The following CFAP47 variants were observed in gnomAD, a reference collection of about 807,000 sequenced individuals.
CFAP47 encodes the protein cilia- and flagella-associated protein 47.
A neutral mutation model predicts 148.1 loss-of-function variants in CFAP47; 29 were observed. The observed-to-expected ratio is 0.20, with a 90% CI of 0.15 to 0.27. CFAP47 has a LOEUF of 0.27. Ranked by LOEUF, CFAP47 falls within the 10% of genes least tolerant of loss-of-function variation. The pLI is 1.00. For synonymous variants in CFAP47, 664 were observed against 577.3 expected (o/e 1.15, Z -2.15); for missense variants, 1,872 against 1,697.5 (o/e 1.10, Z -1.81).
At chrX:35,957,158 G>A (rs1177972608) in intron 8 of CFAP47, among the ~76,000 whole-genome samples, 3 of 98,585 alleles carry the variant, frequency 3.0e-5, no homozygotes, top group Non-Finnish European at 6.0e-5. Context: ...GCAGTGAGCC[G>A]AGATCACAGC....
chrX:36,076,529 A>G (rs1208334038), intron 29 of CFAP47, among the ~76,000 whole-genome samples: 2 of 110,330 alleles, frequency 1.8e-5, no homozygotes, highest in South Asian at 3.9e-4. Flanking sequence ...GGCCAGTTAT[A>G]TATCTCCTTT....
intron 15 of CFAP47, among the ~76,000 whole-genome samples, chrX:35,980,772 G>C (rs138101061): frequency 0.017 from 1,844 of 110,350 alleles, 45 homozygotes; most frequent in African/African-American, 0.058. Context: ...GTTCTCATCT[G>C]AAAAAACTCT....
intron 51 of CFAP47, among the ~76,000 whole-genome samples, chrX:36,289,656 G>A (rs1941173416): frequency 9.0e-6 from 1 of 111,664 alleles, no homozygotes. Context: ...TAAAGCACTT[G>A]TTGGCTCCCA....
chrX:36,030,699 AG>A (rs1214104181), intron 22 of CFAP47, among the ~76,000 whole-genome samples: 1 of 110,779 alleles, frequency 9.0e-6, no homozygotes, highest in African/African-American at 3.3e-5. Flanking sequence ...AATGTCTTAG[AG>A]GTAAGTTTCA....
At chrX:36,234,101 G>A (rs7888696) in intron 46 of CFAP47, among the ~76,000 whole-genome samples, 10,914 of 107,833 alleles carry the variant, frequency 0.1, 582 homozygotes, top group East Asian at 0.25. Flanking sequence ...TCTTGGAGTT[G>A]CTCTTCTCGA....
intron 39 of CFAP47, among the ~76,000 whole-genome samples, chrX:36,173,091 G>T (rs1435094078): frequency 9.0e-6 from 1 of 110,650 alleles, no homozygotes; most frequent in Non-Finnish European, 1.9e-5. Flanking sequence ...TTGCGTAGAG[G>T]TGTTTGTAGT....
Position 36,116,495 on chromosome X carries a change from A to T in CFAP47, c.5320+11804A>T, listed in dbSNP as rs17319726. On this transcript the variant is annotated intron_variant, in intron 33 of 63. Transcript: ENST00000378653. ...TAACGAGCTTAGGTGTTTTGGTGAG[A>T]TGCCAGTTGGGCATACCAAGAATTA... Among the ~76,000 whole-genome samples, 397 of 112,540 alleles carry T rather than the reference A, an allele frequency of 3.5e-3. 4 individuals carry two copies. In the East Asian group the frequency reaches 0.036, roughly 10 times the overall value.
intron 21 of CFAP47, among the ~76,000 whole-genome samples, chrX:36,005,912 A>G (rs759996006): frequency 4.8e-4 from 53 of 111,179 alleles, no homozygotes; most frequent in Middle Eastern, 4.7e-3. Flanking sequence ...ACATACACAC[A>G]CACATACACA....
At chrX:36,360,706 G>C (rs1941821435) in intron 60 of CFAP47, among the ~76,000 whole-genome samples, 1 of 111,786 alleles carries the variant, frequency 8.9e-6, no homozygotes, top group South Asian at 3.7e-4. Flanking sequence ...CTACATGCTA[G>C]CTCTGGATTT....
At chrX:36,096,221 A>G (rs1015619898) in intron 30 of CFAP47, among the ~76,000 whole-genome samples, 3 of 111,144 alleles carry the variant, frequency 2.7e-5, no homozygotes, top group Non-Finnish European at 5.7e-5. Context: ...GATATAATTG[A>G]ATGTTTATAT....
chrX:36,099,692 C>A, intron 31 of CFAP47, 59 bp from the exon 32 acceptor site: 12 of 482,666 alleles, frequency 2.5e-5, no homozygotes, highest in South Asian at 4.1e-5. Context: ...AAAAAAAAAA[C>A]TCATATGCTA....
At chrX:35,923,669 A>C (rs2146607568) in intron 1 of CFAP47, among the ~76,000 whole-genome samples, 1 of 109,312 alleles carries the variant, frequency 9.1e-6, no homozygotes, top group Non-Finnish European at 1.9e-5. Flanking sequence ...AAAATACAGA[A>C]ATTAGCTGGG....
At chrX:35,949,868 T>G (rs1936138052) in intron 4 of CFAP47, among the ~76,000 whole-genome samples, 1 of 111,683 alleles carries the variant, frequency 9.0e-6, no homozygotes, top group Non-Finnish European at 1.9e-5. Context: ...ATTCAAAAAG[T>G]TTGGGATTTT....
At chrX:36,199,884 A>G in intron 42 of CFAP47, among the ~76,000 whole-genome samples, 1 of 111,479 alleles carries the variant, frequency 9.0e-6, no homozygotes, top group East Asian at 2.8e-4. Flanking sequence ...CAAATAAAAG[A>G]TTCTTTTCTT....
At chrX:36,144,744 G>A (rs1939204370) in intron 35 of CFAP47, 2 of 1,024,145 alleles carry the variant, frequency 2.0e-6, no homozygotes, top group African/African-American at 1.9e-5. Context: ...TTTTATTTTT[G>A]TCGTGATCTC....
chrX:35,989,341 A>G lies in CFAP47; in HGVS notation c.2736A>G (p.Ser912=). ...PAKGTVEAYS[S]LECEVTWQQG... ...TAGGCACTGTTGAAGCATATTCCTC[A>G]CTGGAATGTGAAGTAACTTGGCAGC... is the stretch of plus-strand genomic sequence containing the variant. The change falls in exon 16 of 64, where the codon TCA becomes TCG. Residue 912 remains serine (S), a synonymous_variant. Transcript: ENST00000378653. 1.7e-6 allele frequency: 2 copies of G among 1,205,945 alleles called. No individual in the cohort carries two copies. The highest frequency in any genetic ancestry group is 2.2e-6 in the Non-Finnish European group (2 of 890,101).
At chrX:36,336,675 A>T (rs1385248382) in intron 57 of CFAP47, among the ~76,000 whole-genome samples, 9 of 112,240 alleles carry the variant, frequency 8.0e-5, no homozygotes, top group African/African-American at 2.9e-4. Context: ...TTTAGAAAAG[A>T]AACATTTATG....
intron 39 of CFAP47, among the ~76,000 whole-genome samples, chrX:36,171,344 T>C (rs1163084681): frequency 9.0e-6 from 1 of 111,368 alleles, no homozygotes; most frequent in Non-Finnish European, 1.9e-5. Flanking sequence ...GCCATTGCTT[T>C]TGGTGTTTTA....
At chrX:36,002,714 A>G (rs1216198291) in intron 21 of CFAP47, among the ~76,000 whole-genome samples, 1 of 111,894 alleles carries the variant, frequency 8.9e-6, no homozygotes, top group African/African-American at 3.2e-5. Flanking sequence ...TTAATACACC[A>G]ACATAACTAA....
Sources: allele counts gnomAD v4.1 joint callset (sites outside exome capture counted in the v4.1 genomes callset), GRCh38; gene constraint gnomAD v4.1.1; transcripts MANE v1.5; gene names NCBI Gene and HGNC (gene_info 2026-07-23, HGNC 2026-07-21).